GABBR2: variants seen among roughly 807,000 people sequenced by gnomAD.
GABBR2 encodes G-protein coupled receptor 51.
A neutral mutation model predicts 105.6 loss-of-function variants in GABBR2; 23 were observed. The observed-to-expected ratio is 0.22, with a 90% confidence interval of 0.16 to 0.31. The LOEUF is 0.31. Ranked by LOEUF, GABBR2 falls within the 10% of genes least tolerant of loss-of-function variation. The probability of loss-of-function intolerance (pLI) is 1.00; values close to 1 mark genes in which losing one functional copy is unlikely to be tolerated. For missense variants in GABBR2, 734 were observed against 1,245.5 expected, an observed-to-expected ratio of 0.59 and a Z score of 6.18; for synonymous variants, 478 against 499.7, an observed-to-expected ratio of 0.96 and a Z score of 0.58.
At chr9:98,496,552 G>C (rs1288823517) in intron 3 of GABBR2, 38 bp from the exon 4 acceptor site, 2 of 1,415,922 alleles carry the variant, frequency 1.4e-6, no homozygotes. Context: ...GGTGTGCTGG[G>C]GACCACAGGA....
chr9:98,509,363 C>T (rs1827586168), intron 3 of GABBR2, among the ~76,000 whole-genome samples: 1 of 152,164 alleles, frequency 6.6e-6, no homozygotes, highest in Non-Finnish European at 1.5e-5. Context: ...ATCAGAGCAC[C>T]TCTCCTCCTC....
intron 4 of GABBR2, among the ~76,000 whole-genome samples, chr9:98,482,982 A>G (rs12553133): frequency 0.26 from 39,970 of 151,738 alleles, 5,554 homozygotes; most frequent in East Asian, 0.53. Flanking sequence ...GACCCCAGCC[A>G]CAACTGTTCT....
chr9:98,447,683 T>C (rs1342176129), intron 7 of GABBR2, among the ~76,000 whole-genome samples: 1 of 151,960 alleles, frequency 6.6e-6, no homozygotes, highest in Non-Finnish European at 1.5e-5. Flanking sequence ...ACATTGCAAA[T>C]TCCCCTGGAA....
At chr9:98,430,035 C>G (rs929695007) in intron 7 of GABBR2, among the ~76,000 whole-genome samples, 1 of 152,062 alleles carries the variant, frequency 6.6e-6, no homozygotes, top group Non-Finnish European at 1.5e-5. Context: ...GCCTGTAATC[C>G]CAGCCCTTTG....
chr9:98,558,258 G>A (rs1210291609), intron 2 of GABBR2, among the ~76,000 whole-genome samples: 2 of 152,162 alleles, frequency 1.3e-5, no homozygotes, highest in African/African-American at 2.4e-5. Context: ...AATTTAACTG[G>A]GCATCCTGTA....
At chr9:98,497,917 G>C (rs1055058974) in intron 3 of GABBR2, among the ~76,000 whole-genome samples, 8 of 152,206 alleles carry the variant, frequency 5.3e-5, no homozygotes, top group African/African-American at 1.9e-4. Flanking sequence ...GGACTTGACA[G>C]ACATTTTACA....
At chr9:98,665,844 C>T (rs1830326555) in intron 1 of GABBR2, among the ~76,000 whole-genome samples, 1 of 152,158 alleles carries the variant, frequency 6.6e-6, no homozygotes, top group African/African-American at 2.4e-5. Flanking sequence ...TCGAGGGATG[C>T]GACCAGCCAC....
intron 11 of GABBR2, among the ~76,000 whole-genome samples, chr9:98,376,831 T>C (rs1210964574): frequency 6.6e-6 from 1 of 152,076 alleles, no homozygotes; most frequent in Non-Finnish European, 1.5e-5. Flanking sequence ...AGGAGTACTT[T>C]GGAACCCGAG....
At chr9:98,394,338 C>T (rs1210526252) in intron 8 of GABBR2, 83 bp from the exon 9 acceptor site, 8 of 898,298 alleles carry the variant, frequency 8.9e-6, no homozygotes, top group Non-Finnish European at 1.5e-5. Context: ...TCTTGCTCCC[C>T]TCACAGGCCC....
intron 5 of GABBR2, 137 bp from the exon 6 acceptor site, chr9:98,473,483 C>G: frequency 1.6e-6 from 1 of 615,182 alleles, no homozygotes; most frequent in South Asian, 2.0e-5. Context: ...TTGGTTTCTT[C>G]CTTGCTATTT....
chr9:98,572,880 C>T (rs1312104102), intron 2 of GABBR2, among the ~76,000 whole-genome samples: 1 of 152,212 alleles, frequency 6.6e-6, no homozygotes, highest in Non-Finnish European at 1.5e-5. Flanking sequence ...ATGCCCCATC[C>T]ACGTCCAGTT....
intron 1 of GABBR2, among the ~76,000 whole-genome samples, chr9:98,614,383 G>A (rs2131816423): frequency 6.6e-6 from 1 of 152,256 alleles, no homozygotes; most frequent in Middle Eastern, 3.4e-3. Flanking sequence ...AATTAGCTGG[G>A]CATTGTGGTG....
intron 12 of GABBR2, among the ~76,000 whole-genome samples, chr9:98,369,857 G>A (rs1174316871): frequency 6.6e-6 from 1 of 152,114 alleles, no homozygotes; most frequent in African/African-American, 2.4e-5. Flanking sequence ...TTGGTAAGAG[G>A]TGTCATGGTA....
chr9:98,342,508 G>A (rs151289516), intron 13 of GABBR2, among the ~76,000 whole-genome samples: 19 of 152,214 alleles, frequency 1.2e-4, no homozygotes, highest in Admixed American at 2.6e-4. Flanking sequence ...TTCAGATGGG[G>A]TATGGTCCTC....
chr9:98,566,343 G>C (rs1828750352), intron 2 of GABBR2, among the ~76,000 whole-genome samples: 2 of 152,168 alleles, frequency 1.3e-5, no homozygotes, highest in Admixed American at 6.5e-5. Flanking sequence ...CAACAAAATA[G>C]TAACCTTCAC....
chr9:98,628,561 T>A (rs1219693761), intron 1 of GABBR2, among the ~76,000 whole-genome samples: 1 of 152,180 alleles, frequency 6.6e-6, no homozygotes, highest in Non-Finnish European at 1.5e-5. Context: ...ATAAAAAGTA[T>A]ATCCATGGCT....
At position 98,624,149 on chromosome 9, in the gene GABBR2, G is replaced by A. The variant is rs552399923; in HGVS notation, c.322-46077C>T. On this transcript the variant is annotated intron_variant, in intron 1 of 18. Transcript: ENST00000259455. The stretch of plus-strand genomic sequence containing the variant: ...CAAGGCAAGGGAGGTCAATGGCAGT[G>A]GTCCTGGGCACTGTGGAGGGGCTGG... 7.9e-5 allele frequency among the ~76,000 whole-genome samples: 12 copies of A among 152,348 alleles called. No homozygotes were observed. In the South Asian group the frequency reaches 2.3e-3, roughly 29 times the overall value.
chr9:98,386,488 A>G (rs993916334), intron 10 of GABBR2, among the ~76,000 whole-genome samples: 24 of 152,168 alleles, frequency 1.6e-4, no homozygotes, highest in African/African-American at 4.8e-5. Flanking sequence ...CAACCCACCC[A>G]CTACCCCTGT....
chr9:98,701,514 A>T (rs1830829756), intron 1 of GABBR2, among the ~76,000 whole-genome samples: 1 of 152,140 alleles, frequency 6.6e-6, no homozygotes, highest in South Asian at 2.1e-4. Flanking sequence ...TGGGGAAGGG[A>T]CAAGACCAAC....
Sources: gnomAD v4.1 joint callset for allele counts (sites outside exome capture counted in the v4.1 genomes callset) on GRCh38, gnomAD v4.1.1 for gene constraint, MANE v1.5 for transcripts, NCBI Gene and HGNC (gene_info 2026-07-23, HGNC 2026-07-21) for gene names.